Variants in SCD5 observed in about 807,000 individuals in gnomAD.
SCD5 encodes the protein acyl-CoA-desaturase 4.
SCD5 carries 20 observed loss-of-function variants against 30.4 expected under a neutral mutation model. The ratio of observed to expected loss-of-function variants is 0.66; its 90% CI spans 0.46 to 0.96. The LOEUF (loss-of-function observed/expected upper bound fraction) is 0.96, where lower values mean the gene tolerates loss of function less well. SCD5 is among the 40% of genes least tolerant of loss of function. The pLI, the probability that SCD5 is intolerant of heterozygous loss-of-function variation, is 0.00. For synonymous variants in SCD5, 173 were observed against 176.4 expected, an observed-to-expected ratio of 0.98 and a Z score of 0.16; for missense variants, 381 against 443.3, an observed-to-expected ratio of 0.86 and a Z score of 1.26.
At chr4:82,775,015 C>T (rs1442459649) in intron 1 of SCD5, among the ~76,000 whole-genome samples, 1 of 152,174 alleles carries the variant, frequency 6.6e-6, no homozygotes, top group Non-Finnish European at 1.5e-5. Flanking sequence ...ATTCTCTAGG[C>T]CAGGGAGTTC....
chr4:82,655,781 A>C (rs1727856660), intron 3 of SCD5, among the ~76,000 whole-genome samples: 1 of 152,208 alleles, frequency 6.6e-6, no homozygotes, highest in Non-Finnish European at 1.5e-5. Flanking sequence ...ATTTTGTAAG[A>C]TAGATATCAT....
At chr4:82,729,723 C>A (rs1306613440) in intron 1 of SCD5, among the ~76,000 whole-genome samples, 2 of 152,132 alleles carry the variant, frequency 1.3e-5, no homozygotes, top group Non-Finnish European at 2.9e-5. Context: ...TACAAAAGAG[C>A]TCTCTGCCCT....
At chr4:82,696,899 T>C (rs1210220580) in intron 2 of SCD5, among the ~76,000 whole-genome samples, 1 of 152,208 alleles carries the variant, frequency 6.6e-6, no homozygotes, top group African/African-American at 2.4e-5. Flanking sequence ...TAAACATTTT[T>C]GGAGATGGTT....
chr4:82,722,611 CA>C (rs1245462933), intron 1 of SCD5, among the ~76,000 whole-genome samples: 1 of 151,174 alleles, frequency 6.6e-6, no homozygotes, highest in African/African-American at 2.4e-5. Flanking sequence ...ACTAAAAATG[CA>C]AAAATTAGCC....
chr4:82,763,583 A>T (rs78551404), intron 1 of SCD5, among the ~76,000 whole-genome samples: 6,663 of 152,300 alleles, frequency 0.044, 228 homozygotes, highest in African/African-American at 0.097. Context: ...TCATAAGAGG[A>T]GAAATGTGGA....
At chr4:82,660,888 C>T (rs150855830) in intron 3 of SCD5, 2 of 1,613,940 alleles carry the variant, frequency 1.2e-6, no homozygotes, top group African/African-American at 1.3e-5. Flanking sequence ...AGAATACCTC[C>T]AGGGACACAG....
At chr4:82,716,232 C>G (rs927234951) in intron 1 of SCD5, among the ~76,000 whole-genome samples, 1 of 151,660 alleles carries the variant, frequency 6.6e-6, no homozygotes, top group Non-Finnish European at 1.5e-5. Flanking sequence ...TCAAAGCTCC[C>G]TGGAAGAACT....
At chr4:82,667,436 C>T (rs1184844556) in intron 3 of SCD5, among the ~76,000 whole-genome samples, 6 of 152,200 alleles carry the variant, frequency 3.9e-5, no homozygotes, top group African/African-American at 1.4e-4. Context: ...TTTTCCCCCA[C>T]CCAATATTTT....
intron 4 of SCD5, among the ~76,000 whole-genome samples, chr4:82,635,499 T>C (rs1337786612): frequency 6.6e-6 from 1 of 151,556 alleles, no homozygotes; most frequent in East Asian, 1.9e-4. Flanking sequence ...TGGGTGCCTG[T>C]AGTCCCAGCT....
At chr4:82,635,412 G>A (rs952870552) in intron 4 of SCD5, among the ~76,000 whole-genome samples, 1 of 152,062 alleles carries the variant, frequency 6.6e-6, no homozygotes, top group Non-Finnish European at 1.5e-5. Flanking sequence ...GAGGTCAGGA[G>A]ATCGAAACCA....
At chr4:82,634,152 A>T (rs1223092397) in intron 4 of SCD5, among the ~76,000 whole-genome samples, 1 of 152,226 alleles carries the variant, frequency 6.6e-6, no homozygotes, top group Non-Finnish European at 1.5e-5. Context: ...TCCATCCATC[A>T]GTTGATGGAC....
At chr4:82,701,182 C>T (rs559615931) in intron 2 of SCD5, among the ~76,000 whole-genome samples, 4 of 151,806 alleles carry the variant, frequency 2.6e-5, no homozygotes, top group Admixed American at 6.6e-5. Flanking sequence ...AAGTGGGTTT[C>T]GATTAGTTGT....
intron 4 of SCD5, among the ~76,000 whole-genome samples, chr4:82,631,900 A>C (rs1727303331): frequency 1.3e-5 from 2 of 152,190 alleles, no homozygotes; most frequent in South Asian, 2.1e-4. Context: ...AGAGCTCAAG[A>C]GAGACAAATG....
At chr4:82,721,330 A>C (rs943994220) in intron 1 of SCD5, among the ~76,000 whole-genome samples, 6 of 152,124 alleles carry the variant, frequency 3.9e-5, no homozygotes, top group African/African-American at 1.4e-4. Context: ...GTTTCTAAGC[A>C]CAGTACTAGA....
At position 82,729,679 on chromosome 4, in the gene SCD5, T is replaced by A. The variant is rs187601504; in HGVS notation, c.233-24266A>T. Among the ~76,000 whole-genome samples the A allele has an allele frequency of 3.4e-4, 52 of 152,262 alleles. No individual in the cohort carries two copies. The East Asian group carries it at 7.7e-3, about 23-fold the overall frequency. ...AAATATGCCTTTTTAGGATAAAGAT[T>A]ATTTTGAGCTGAAGGCAATTACACA... On this transcript the variant is annotated intron_variant, in intron 1 of 4. Coordinates refer to ENST00000319540, the MANE Select transcript of SCD5 (RefSeq NM_001037582.3).
At chr4:82,744,861 G>A (rs1172091284) in intron 1 of SCD5, among the ~76,000 whole-genome samples, 1 of 151,582 alleles carries the variant, frequency 6.6e-6, no homozygotes, top group African/African-American at 2.4e-5. Flanking sequence ...AGAGGGAAAG[G>A]GATTGCATTT....
At chr4:82,736,563 G>A (rs565042280) in intron 1 of SCD5, among the ~76,000 whole-genome samples, 16 of 152,062 alleles carry the variant, frequency 1.1e-4, no homozygotes, top group Admixed American at 9.2e-4. Flanking sequence ...AGCCCAGATC[G>A]CGCCATTGCA....
chr4:82,703,091 C>T (rs545306130), intron 2 of SCD5, among the ~76,000 whole-genome samples: 13 of 152,276 alleles, frequency 8.5e-5, no homozygotes, highest in Admixed American at 5.9e-4. Context: ...TCCATGAAGG[C>T]GAAGCTTGTG....
intron 1 of SCD5, among the ~76,000 whole-genome samples, chr4:82,786,943 T>C (rs1722002486): frequency 6.6e-6 from 1 of 152,202 alleles, no homozygotes; most frequent in African/African-American, 2.4e-5. Context: ...AGTCCCGCTC[T>C]ACACATTTTT....
Sources: allele counts gnomAD v4.1 joint callset (sites outside exome capture counted in the v4.1 genomes callset), GRCh38; gene constraint gnomAD v4.1.1; transcripts MANE v1.5; gene names NCBI Gene and HGNC (gene_info 2026-07-23, HGNC 2026-07-21).